The following EXOC6 variants were observed in gnomAD, a reference collection of about 807,000 sequenced individuals.
EXOC6 encodes SEC15-like 1.
In EXOC6, 60 loss-of-function variants were observed where a neutral mutation model predicts 112.5. The ratio of observed to expected loss-of-function variants is 0.53; its 90% CI spans 0.43 to 0.66. The LOEUF (loss-of-function observed/expected upper bound fraction) is 0.66. EXOC6 is among the 30% of genes least tolerant of loss of function. The pLI is 0.00. For missense variants in EXOC6, 855 were observed against 957.1 expected, an observed-to-expected ratio of 0.89 and a Z score of 1.41; for synonymous variants, 295 against 308.0, an observed-to-expected ratio of 0.96 and a Z score of 0.44.
intron 8 of EXOC6, among the ~76,000 whole-genome samples, chr10:92,922,873 T>A (rs1438622053): frequency 2.6e-5 from 4 of 152,104 alleles, no homozygotes; most frequent in Admixed American, 2.6e-4. Context: ...CCCTAGGAGT[T>A]TTTAAGGGTA....
intron 1 of EXOC6, among the ~76,000 whole-genome samples, chr10:92,864,877 A>G (rs1331725363): frequency 6.6e-6 from 1 of 152,044 alleles, no homozygotes; most frequent in African/African-American, 2.4e-5. Flanking sequence ...TTATGGTACA[A>G]CTTGGCTTTC....
chr10:92,956,800 G>C (rs1468302360), intron 17 of EXOC6, among the ~76,000 whole-genome samples: 1 of 152,134 alleles, frequency 6.6e-6, no homozygotes, highest in Non-Finnish European at 1.5e-5. Context: ...TCTGAAGTTA[G>C]ATTGCTCTGT....
chr10:93,022,990 CTTT>C (rs768020281), intron 20 of EXOC6, among the ~76,000 whole-genome samples: 4 of 123,916 alleles, frequency 3.2e-5, no homozygotes, highest in African/African-American at 2.9e-5. Context: ...ACTTTTCCTT[CTTT>C]TTTTTTTTTT....
chr10:92,876,528 G>C (rs1009441550), intron 1 of EXOC6, among the ~76,000 whole-genome samples: 3 of 152,090 alleles, frequency 2.0e-5, no homozygotes, highest in African/African-American at 7.2e-5. Context: ...TTTTAACCTG[G>C]AGTATCAGAT....
rs570346191 is a variant in EXOC6 at position 92,919,131 on chromosome 10, C to T, written c.820-851C>T. Among the ~76,000 whole-genome samples the T allele has an allele frequency of 3.9e-5, 6 of 152,204 alleles. No homozygotes were observed. In the East Asian group the frequency reaches 5.8e-4, roughly 15 times the overall value. On this transcript the variant is annotated intron_variant, in intron 7 of 21. Transcript: ENST00000260762. ...GAAAATAGACCATCTAGTCTTCTTA[C>T]TTCAATTTTCCCCTTCCTGTTCTGT...
At chr10:92,998,628 CCACACACACA>C (rs55823754) in intron 19 of EXOC6, among the ~76,000 whole-genome samples, 18 of 141,444 alleles carry the variant, frequency 1.3e-4, no homozygotes, top group African/African-American at 3.4e-4. Flanking sequence ...CTGTTGCACA[CCACACACACA>C]CACACACACA....
intron 1 of EXOC6, among the ~76,000 whole-genome samples, chr10:92,867,954 A>G (rs1341417567): frequency 2.6e-5 from 4 of 152,220 alleles, no homozygotes; most frequent in African/African-American, 9.6e-5. Flanking sequence ...AATATGCTAG[A>G]TAGGACATTC....
intron 20 of EXOC6, among the ~76,000 whole-genome samples, chr10:93,040,626 G>A (rs1845721259): frequency 1.3e-5 from 2 of 152,134 alleles, no homozygotes; most frequent in Non-Finnish European, 2.9e-5. Context: ...TAAAAGAGTG[G>A]TTTATAATTG....
Position 92,848,530 on chromosome 10 carries a change from C to G in EXOC6, c.-4C>G. The G allele has an allele frequency of 7.2e-7, 1 of 1,398,220 alleles. No homozygotes were observed. Among genetic ancestry groups the G allele is most frequent in the Non-Finnish European group, 9.5e-7 (1 of 1,054,818 alleles). 86.6% of individuals were successfully genotyped at this position (1,398,220 alleles called of 1,614,324 possible). Reference sequence around the variant, plus strand: ...CCTCGCTGGCTCCTCAGCTTCCAGCCAAAATGGCGGAGAACAGCGAGAGTC... The same window carrying G: ...CCTCGCTGGCTCCTCAGCTTCCAGCGAAAATGGCGGAGAACAGCGAGAGTC... On this transcript the variant is annotated 5_prime_UTR_variant, in exon 1 of 22. Coordinates refer to ENST00000260762, the MANE Select transcript of EXOC6 (RefSeq NM_019053.6).
chr10:92,846,622 T>C (rs994772570), upstream of EXOC6, among the ~76,000 whole-genome samples: 3 of 152,214 alleles, frequency 2.0e-5, no homozygotes, highest in Admixed American at 6.5e-5. Flanking sequence ...GAAGACTGTC[T>C]TAGCTCAATG....
intron 19 of EXOC6, among the ~76,000 whole-genome samples, chr10:93,000,871 C>G (rs979738968): frequency 2.6e-5 from 4 of 152,102 alleles, no homozygotes; most frequent in Non-Finnish European, 5.9e-5. Flanking sequence ...ACCATCCACC[C>G]CTCAACTTCT....
chr10:92,848,873 C>T (rs1339172763), intron 1 of EXOC6, among the ~76,000 whole-genome samples: 1 of 152,056 alleles, frequency 6.6e-6, no homozygotes, highest in African/African-American at 2.4e-5. Context: ...ACCCCGCAGC[C>T]GGTGGGTGTG....
chr10:92,889,894 C>T (rs1485203440), intron 1 of EXOC6, among the ~76,000 whole-genome samples: 1 of 152,060 alleles, frequency 6.6e-6, no homozygotes, highest in Non-Finnish European at 1.5e-5. Context: ...GGACTACAGG[C>T]GTGTGCCACC....
At chr10:92,947,874 A>G (rs1853132376) in intron 13 of EXOC6, among the ~76,000 whole-genome samples, 1 of 152,214 alleles carries the variant, frequency 6.6e-6, no homozygotes, top group Non-Finnish European at 1.5e-5. Context: ...ACTGCACTCC[A>G]GCCTGGGTGA....
rs560283912 is a variant in EXOC6, at chr10:92,887,771, T to C, written c.102-5578T>C. ...TTGTGCTGCATTTATTAAAATGACA[T>C]AGATCTAGGAACTTTCTAGGCTTTT... On this transcript the variant is annotated intron_variant, in intron 1 of 21. Coordinates refer to ENST00000260762, the MANE Select transcript of EXOC6 (RefSeq NM_019053.6). Among the ~76,000 whole-genome samples, 3 of 152,346 alleles carry C rather than the reference T, an allele frequency of 2.0e-5. No homozygotes were observed. In the South Asian group the frequency reaches 6.2e-4, roughly 32 times the overall value.
chr10:92,985,968 C>A (rs1842986616), intron 18 of EXOC6, among the ~76,000 whole-genome samples: 1 of 151,284 alleles, frequency 6.6e-6, no homozygotes, highest in South Asian at 2.1e-4. Context: ...GAAAATATAA[C>A]CATATATTGT....
rs137867452 is a variant in EXOC6, at chr10:92,859,056, C to T, written c.101+10422C>T. 6.8e-4 allele frequency among the ~76,000 whole-genome samples: 104 copies of T among 152,320 alleles called. 1 individual carries two copies. In the East Asian group the frequency reaches 0.012, roughly 18 times the overall value. On this transcript the variant is annotated intron_variant, in intron 1 of 21. Transcript: ENST00000260762. ...TTAGGATTACAGGCATGAGCCACAGCGCCTGGCCACTGTTGCGTGTTTTTC... is the reference window on the plus strand; with the variant it reads ...TTAGGATTACAGGCATGAGCCACAGTGCCTGGCCACTGTTGCGTGTTTTTC...
At chr10:92,950,987 G>C (rs1183000053) in intron 14 of EXOC6, among the ~76,000 whole-genome samples, 3 of 152,182 alleles carry the variant, frequency 2.0e-5, no homozygotes, top group Admixed American at 6.5e-5. Context: ...TGCTGATTAT[G>C]TGCATATGAG....
chr10:92,851,020 CA>C (rs567406841), intron 1 of EXOC6, among the ~76,000 whole-genome samples: 1 of 151,868 alleles, frequency 6.6e-6, no homozygotes, highest in African/African-American at 2.4e-5. Context: ...GACTAACACA[CA>C]AAAAATAAAT....
Sources: gnomAD v4.1 joint callset for allele counts (sites outside exome capture counted in the v4.1 genomes callset) on GRCh38, gnomAD v4.1.1 for gene constraint, MANE v1.5 for transcripts, NCBI Gene and HGNC (gene_info 2026-07-23, HGNC 2026-07-21) for gene names.